The following NRG3 variants were observed in gnomAD, a reference collection of about 807,000 sequenced individuals.
NRG3 encodes the protein pro-neuregulin-3, membrane-bound isoform.
NRG3 carries 31 observed loss-of-function variants against 66.9 expected under a neutral mutation model. The ratio of observed to expected loss-of-function variants is 0.46; its 90% CI spans 0.35 to 0.63. The LOEUF is 0.63. Among genes scored for constraint, NRG3 ranks in the 20% least tolerant of loss-of-function variants. The pLI is 0.00. For synonymous variants in NRG3, 393 were observed against 359.4 expected (o/e 1.09, Z -1.06); for missense variants, 910 against 878.9 (o/e 1.04, Z -0.45).
At chr10:82,305,435 AC>A (rs1451078783) in intron 1 of NRG3, among the ~76,000 whole-genome samples, 1 of 151,728 alleles carries the variant, frequency 6.6e-6, no homozygotes, top group Non-Finnish European at 1.5e-5. Context: ...TTGTTCAAAA[AC>A]CCCTTTAGAG....
At chr10:81,884,048 A>G (rs529055113) in intron 1 of NRG3, among the ~76,000 whole-genome samples, 1 of 152,360 alleles carries the variant, frequency 6.6e-6, no homozygotes, top group South Asian at 2.1e-4. Context: ...AGGTTTGATT[A>G]TCTCACTGAT....
intron 1 of NRG3, among the ~76,000 whole-genome samples, chr10:82,310,510 G>T (rs970772770): frequency 6.6e-6 from 1 of 152,122 alleles, no homozygotes; most frequent in Non-Finnish European, 1.5e-5. Flanking sequence ...AAAATTGAAA[G>T]AAAATGAATA....
At chr10:81,936,873 CATCAT>C (rs1278225506) in intron 1 of NRG3, among the ~76,000 whole-genome samples, 1 of 152,108 alleles carries the variant, frequency 6.6e-6, no homozygotes, top group Non-Finnish European at 1.5e-5. Context: ...AAAAATTAAT[CATCAT>C]GTCATGTGTA....
chr10:82,784,743 T>C lies in NRG3; in HGVS notation c.1027+46093T>C, dbSNP rs553247019. 8.0e-4 allele frequency among the ~76,000 whole-genome samples: 121 copies of C among 152,048 alleles called. 1 individual carries two copies. The South Asian group carries it at 0.012, about 15-fold the overall frequency. ...AGGATATGGAGAAATAGGAACACTT[T>C]TACACTGTTGGTGGGACTGTAAACT... On this transcript the variant is annotated intron_variant, in intron 3 of 8. Coordinates refer to ENST00000372141, the MANE Select transcript of NRG3 (RefSeq NM_001010848.4).
At chr10:82,410,297 TA>T (rs1397786365) in intron 2 of NRG3, among the ~76,000 whole-genome samples, 2 of 151,796 alleles carry the variant, frequency 1.3e-5, no homozygotes, top group Non-Finnish European at 2.9e-5. Flanking sequence ...ATTCTAAACA[TA>T]ATATAATGGG....
At chr10:82,582,184 G>A (rs764151788) in intron 2 of NRG3, among the ~76,000 whole-genome samples, 8 of 152,032 alleles carry the variant, frequency 5.3e-5, no homozygotes, top group Non-Finnish European at 8.8e-5. Flanking sequence ...TGGCTGCTAC[G>A]AACAGGGTGG....
chr10:81,983,912 G>T (rs775410016), intron 1 of NRG3, among the ~76,000 whole-genome samples: 2 of 151,988 alleles, frequency 1.3e-5, no homozygotes, highest in African/African-American at 4.8e-5. Flanking sequence ...TCTTGATATC[G>T]GGAGATTATC....
intron 1 of NRG3, among the ~76,000 whole-genome samples, chr10:82,160,290 T>C (rs2071487750): frequency 6.6e-6 from 1 of 151,994 alleles, no homozygotes; most frequent in African/African-American, 2.4e-5. Flanking sequence ...AGTCTGCTAA[T>C]GGCTTGGCAG....
At chr10:82,256,367 C>T (rs564718589) in intron 1 of NRG3, among the ~76,000 whole-genome samples, 6 of 152,266 alleles carry the variant, frequency 3.9e-5, no homozygotes, top group East Asian at 3.9e-4. Context: ...TTTCAATGTA[C>T]GTTATTTTGA....
chr10:82,063,810 T>A (rs1197527646), intron 1 of NRG3, among the ~76,000 whole-genome samples: 1 of 152,106 alleles, frequency 6.6e-6, no homozygotes, highest in Non-Finnish European at 1.5e-5. Context: ...GGAGAGCAAG[T>A]CCCTCCCACC....
At chr10:82,150,592 A>T (rs558686363) in intron 1 of NRG3, among the ~76,000 whole-genome samples, 24 of 152,032 alleles carry the variant, frequency 1.6e-4, no homozygotes, top group African/African-American at 5.5e-4. Context: ...TCTAAAACAG[A>T]TAAACAAACC....
intron 1 of NRG3, among the ~76,000 whole-genome samples, chr10:82,285,373 A>C (rs1335746066): frequency 6.6e-6 from 1 of 152,188 alleles, no homozygotes; most frequent in East Asian, 1.9e-4. Flanking sequence ...CTTCTTGTTC[A>C]TATGGTCTGT....
intron 2 of NRG3, among the ~76,000 whole-genome samples, chr10:82,654,774 G>A (rs548895917): frequency 6.6e-6 from 1 of 152,218 alleles, no homozygotes; most frequent in African/African-American, 2.4e-5. Flanking sequence ...TGTAATAAAT[G>A]ATATGTTAAA....
intron 1 of NRG3, among the ~76,000 whole-genome samples, chr10:81,992,422 A>G (rs2060777741): frequency 6.6e-6 from 1 of 152,148 alleles, no homozygotes; most frequent in East Asian, 1.9e-4. Flanking sequence ...GGGGAAGTGG[A>G]AGAACATTGG....
chr10:82,128,448 C>T (rs1485063119), intron 1 of NRG3, among the ~76,000 whole-genome samples: 2 of 152,120 alleles, frequency 1.3e-5, no homozygotes, highest in East Asian at 3.9e-4. Flanking sequence ...CTCTTACTTT[C>T]TATATGCCTT....
intron 3 of NRG3, among the ~76,000 whole-genome samples, chr10:82,760,755 A>G (rs1257782091): frequency 6.6e-6 from 1 of 152,100 alleles, no homozygotes; most frequent in Non-Finnish European, 1.5e-5. Flanking sequence ...ACAGTCTTAC[A>G]TACAGACAAC....
intron 4 of NRG3, among the ~76,000 whole-genome samples, chr10:82,927,215 A>G (rs1847089023): frequency 6.6e-6 from 1 of 152,182 alleles, no homozygotes; most frequent in African/African-American, 2.4e-5. Flanking sequence ...ATAGCCTGAC[A>G]GTCTCTTTAT....
At chr10:82,427,579 G>T (rs1432103134) in intron 2 of NRG3, among the ~76,000 whole-genome samples, 4 of 152,022 alleles carry the variant, frequency 2.6e-5, no homozygotes, top group African/African-American at 9.7e-5. Context: ...GCTAGATTTG[G>T]TTTCTTACTA....
intron 4 of NRG3, among the ~76,000 whole-genome samples, chr10:82,885,655 C>A (rs567779039): frequency 5.9e-5 from 9 of 152,152 alleles, no homozygotes; most frequent in African/African-American, 2.2e-4. Flanking sequence ...AATGTAATCA[C>A]TGTGGCTTTC....
Sources: allele counts gnomAD v4.1 joint callset (sites outside exome capture counted in the v4.1 genomes callset), GRCh38; gene constraint gnomAD v4.1.1; transcripts MANE v1.5; gene names NCBI Gene and HGNC (gene_info 2026-07-23, HGNC 2026-07-21).